The following PATJ variants were observed in gnomAD, a reference collection of about 807,000 sequenced individuals.
PATJ encodes PATJ crumbs cell polarity complex component.
A neutral mutation model predicts 224.9 loss-of-function variants in PATJ; 190 were observed. The ratio of observed to expected loss-of-function variants is 0.84; its 90% CI spans 0.75 to 0.95. The LOEUF is 0.95. Among genes scored for constraint, PATJ ranks in the 40% least tolerant of loss-of-function variants. The pLI, the probability that PATJ is intolerant of heterozygous loss-of-function variation, is 0.00. For missense variants in PATJ, 2,121 were observed against 2,270.3 expected (o/e 0.93, Z 1.34); for synonymous variants, 769 against 820.3 (o/e 0.94, Z 1.07).
intron 31 of PATJ, among the ~76,000 whole-genome samples, chr1:62,060,115 A>G (rs949490127): frequency 2.6e-5 from 4 of 152,332 alleles, no homozygotes; most frequent in Admixed American, 2.0e-4. Context: ...AACAGCAATA[A>G]TAATAGCAAT....
intron 16 of PATJ, among the ~76,000 whole-genome samples, chr1:61,831,525 C>T (rs1368209497): frequency 1.3e-5 from 2 of 152,108 alleles, no homozygotes; most frequent in African/African-American, 2.4e-5. Context: ...GCAAAGGACA[C>T]GTCGCACACT....
chr1:62,089,646 A>T (rs1660467098), intron 33 of PATJ, among the ~76,000 whole-genome samples: 1 of 152,132 alleles, frequency 6.6e-6, no homozygotes, highest in Non-Finnish European at 1.5e-5. Context: ...GCTATTATTT[A>T]CCACAATGCA....
chr1:62,148,045 T>C (rs1668229755), intron 41 of PATJ, among the ~76,000 whole-genome samples: 1 of 143,280 alleles, frequency 7.0e-6, no homozygotes, highest in African/African-American at 2.6e-5. Flanking sequence ...TGCTTGAGCC[T>C]GGGAGGTCAA....
chr1:61,766,062 TA>T (rs1222242731), intron 3 of PATJ, among the ~76,000 whole-genome samples: 3 of 152,158 alleles, frequency 2.0e-5, no homozygotes, highest in Non-Finnish European at 2.9e-5. Context: ...AGGCAGGAAA[TA>T]AGAACAAATT....
At chr1:61,784,733 T>C (rs1052739234) in intron 7 of PATJ, among the ~76,000 whole-genome samples, 1 of 152,220 alleles carries the variant, frequency 6.6e-6, no homozygotes, top group African/African-American at 2.4e-5. Flanking sequence ...TTTACCCTTA[T>C]TTTTCATCAG....
chr1:61,881,834 G>T (rs948629547), intron 21 of PATJ, among the ~76,000 whole-genome samples: 6 of 152,104 alleles, frequency 3.9e-5, no homozygotes, highest in African/African-American at 1.4e-4. Context: ...AAGTCTCAAA[G>T]CTCCTTTACG....
intron 5 of PATJ, 96 bp downstream of exon 5, chr1:61,769,518 C>A: frequency 2.3e-6 from 3 of 1,328,996 alleles, no homozygotes; most frequent in Non-Finnish European, 3.1e-6. Context: ...AAAACAGTAA[C>A]AGTAACAGCT....
chr1:62,106,156 G>GTATATATATATATATATATATATA lies in PATJ; in HGVS notation c.4378-2280_4378-2279insATATATATATATATATATATATAT, dbSNP rs1372747156. On this transcript the variant is annotated intron_variant, in intron 33 of 43. Transcript: ENST00000642238. Reference sequence around the variant, plus strand: ...TATACATGTGTATATGTGTGTGTGTGTGTATATATATATATATATATATAT... The same window carrying GTATATATATATATATATATATATA: ...TATACATGTGTATATGTGTGTGTGTGTATATATATATATATATATATATATGTATATATATATATATATATATAT... Among the ~76,000 whole-genome samples, 94 of 54,848 alleles carry GTATATATATATATATATATATATA rather than the reference G, an allele frequency of 1.7e-3. 7 individuals are homozygous for GTATATATATATATATATATATATA. Among genetic ancestry groups the GTATATATATATATATATATATATA allele is most frequent in the Non-Finnish European group, 2.7e-3 (66 of 24,172 alleles). The allele number at this position is 54,848 out of a possible 152,430, so 36.0% of individuals were successfully genotyped here. A position where few individuals can be genotyped will look rare whatever the true frequency, so the allele number is the denominator to read the frequency against.
chr1:62,150,356 G>A, intron 42 of PATJ, among the ~76,000 whole-genome samples: 1 of 152,252 alleles, frequency 6.6e-6, no homozygotes, highest in South Asian at 2.1e-4. Context: ...TGCCAGAGAA[G>A]TGGAAAAACA....
At chr1:62,136,424 A>C (rs74581796) in intron 41 of PATJ, among the ~76,000 whole-genome samples, 4,912 of 151,552 alleles carry the variant, frequency 0.032, 121 homozygotes, top group East Asian at 0.077. Flanking sequence ...AACTTTAAGC[A>C]GCTGTGCTTT....
intron 14 of PATJ, among the ~76,000 whole-genome samples, chr1:61,812,615 G>A (rs1557688693): frequency 1.3e-5 from 2 of 151,926 alleles, no homozygotes; most frequent in Non-Finnish European, 2.9e-5. Flanking sequence ...TTGGGAGGCC[G>A]AGGCAGGAAG....
chr1:62,112,797 T>G (rs1230158486), intron 34 of PATJ, among the ~76,000 whole-genome samples: 1 of 152,206 alleles, frequency 6.6e-6, no homozygotes, highest in Non-Finnish European at 1.5e-5. Flanking sequence ...CATATCAAAT[T>G]TACTAACCAA....
chr1:61,780,201 T>C (rs1445051186), intron 7 of PATJ, among the ~76,000 whole-genome samples: 2 of 152,016 alleles, frequency 1.3e-5, no homozygotes, highest in Non-Finnish European at 2.9e-5. Flanking sequence ...CAGTGGCTCA[T>C]GCCTGTAATC....
intron 20 of PATJ, among the ~76,000 whole-genome samples, chr1:61,874,969 G>A (rs1242410448): frequency 6.6e-6 from 1 of 152,104 alleles, no homozygotes; most frequent in African/African-American, 2.4e-5. Flanking sequence ...CTCTACCTTG[G>A]TAAATGTTTA....
chr1:62,004,167 T>A (rs1645958350), intron 28 of PATJ, among the ~76,000 whole-genome samples: 1 of 152,250 alleles, frequency 6.6e-6, no homozygotes, highest in Non-Finnish European at 1.5e-5. Context: ...CAAAACCATG[T>A]CACTTACAGA....
chr1:62,117,502 TA>T, intron 37 of PATJ: 1 of 925,822 alleles, frequency 1.1e-6, no homozygotes, highest in Non-Finnish European at 1.4e-6. Flanking sequence ...CAGCTGTGTT[TA>T]TTTAAAAAAA....
intron 17 of PATJ, among the ~76,000 whole-genome samples, chr1:61,849,515 C>T (rs1177211295): frequency 6.6e-6 from 1 of 152,150 alleles, no homozygotes; most frequent in Non-Finnish European, 1.5e-5. Context: ...AGCACTTAAG[C>T]CCAGGAGGTC....
intron 24 of PATJ, among the ~76,000 whole-genome samples, chr1:61,903,589 G>C (rs1332230906): frequency 2.0e-5 from 3 of 151,990 alleles, no homozygotes; most frequent in African/African-American, 7.3e-5. Context: ...TTATGGATTT[G>C]TTTGCTATTC....
chr1:62,126,377 C>T (rs1164592314), intron 39 of PATJ, among the ~76,000 whole-genome samples: 1 of 152,142 alleles, frequency 6.6e-6, no homozygotes, highest in Non-Finnish European at 1.5e-5. Context: ...CTCCACCATA[C>T]TTTATTTGGT....
Sources: gnomAD v4.1 joint callset for allele counts (sites outside exome capture counted in the v4.1 genomes callset) on GRCh38, gnomAD v4.1.1 for gene constraint, MANE v1.5 for transcripts, NCBI Gene and HGNC (gene_info 2026-07-23, HGNC 2026-07-21) for gene names.